The following CFAP69 variants were observed in gnomAD, a reference collection of about 807,000 sequenced individuals.
The protein encoded by CFAP69 is cilia and flagella associated protein 69, also known as cilia- and flagella-associated protein 69.
Under a neutral mutation model 123.0 loss-of-function variants are expected in CFAP69, and 92 were observed. The ratio of observed to expected loss-of-function variants is 0.75; its 90% CI spans 0.63 to 0.89. The LOEUF (loss-of-function observed/expected upper bound fraction) is 0.89, where lower values mean the gene tolerates loss of function less well. CFAP69 is among the 40% of genes least tolerant of loss of function. CFAP69 has a pLI of 0.00. For missense variants in CFAP69, 1,067 were observed against 1,096.9 expected, an observed-to-expected ratio of 0.97 and a Z score of 0.39; for synonymous variants, 380 against 364.3, an observed-to-expected ratio of 1.04 and a Z score of -0.49.
At chr7:90,270,837 T>G (rs375626125) in intron 6 of CFAP69, among the ~76,000 whole-genome samples, 25 of 152,162 alleles carry the variant, frequency 1.6e-4, no homozygotes, top group Non-Finnish European at 2.6e-4. Flanking sequence ...AAAGGAGAGA[T>G]AGTATTTCTC....
chr7:90,300,164 G>GTTTTTTT, intron 17 of CFAP69, 105 bp downstream of exon 17: 1 of 1,072,300 alleles, frequency 9.3e-7, no homozygotes, highest in Non-Finnish European at 1.2e-6. Flanking sequence ...TTTGTCTAAA[G>GTTTTTTT]TTTTTTTTTT....
At chr7:90,300,102 T>A (rs1479934493) in intron 17 of CFAP69, 43 bp downstream of exon 17, 1 of 1,407,894 alleles carries the variant, frequency 7.1e-7, no homozygotes, top group African/African-American at 1.5e-5. Context: ...TTAATGTATA[T>A]ATTTTAAAAG....
At chr7:90,278,537 T>C (rs1423651015) in intron 11 of CFAP69, among the ~76,000 whole-genome samples, 1 of 152,106 alleles carries the variant, frequency 6.6e-6, no homozygotes, top group African/African-American at 2.4e-5. Context: ...TCCAATACAG[T>C]ATTATATAAA....
In CFAP69 at chr7:90,284,776, C is replaced by A. The variant is rs114172437; in HGVS notation, c.1538-1505C>A. 2.5e-3 allele frequency among the ~76,000 whole-genome samples: 373 copies of A among 152,210 alleles called. 1 individual carries two copies. Among genetic ancestry groups the A allele is most frequent in the African/African-American group, 8.0e-3 (333 of 41,540 alleles). The stretch of plus-strand genomic sequence containing the variant: ...AATATGCATGGTGATGTGTTCAGAA[C>A]TAGTTTAAGAGGAGCCAAAGTTTTA... On this transcript the variant is annotated intron_variant, in intron 13 of 22. Coordinates refer to ENST00000389297, the MANE Select transcript of CFAP69 (RefSeq NM_001039706.3).
chr7:90,271,155 G>A (rs781372495), intron 6 of CFAP69, among the ~76,000 whole-genome samples: 7 of 151,884 alleles, frequency 4.6e-5, no homozygotes, highest in South Asian at 4.2e-4. Context: ...AAAATTCATC[G>A]TCCTATTTTA....
rs766034615 is a variant in CFAP69, at chr7:90,288,250, A to G, written c.1673A>G (p.Glu558Gly). The change falls in exon 15 of 23, where the codon GAA becomes GGA. Residue 558 changes from glutamate to glycine, a missense_variant. Glu to Gly is a moderately conservative substitution (Grantham distance 98). Coordinates refer to ENST00000389297, the MANE Select transcript of CFAP69 (RefSeq NM_001039706.3). The stretch of plus-strand genomic sequence containing the variant: ...CTTAAACAGGAAATTTTCGGAACTG[A>G]AGGAGTAGATATCGTTCTTCATGTG... The part of the protein sequence containing the change: ...HIQRKEIFGT[E>G]GVDIVLHVMK... The G allele has an allele frequency of 6.2e-7, 1 of 1,608,304 alleles. No homozygotes were observed.
chr7:90,281,978 A>G (rs1190870157), intron 12 of CFAP69, among the ~76,000 whole-genome samples: 1 of 152,194 alleles, frequency 6.6e-6, no homozygotes, highest in Non-Finnish European at 1.5e-5. Context: ...TTTTCAAAAA[A>G]CATTGAAAAA....
intron 1 of CFAP69, 54 bp from the exon 2 acceptor site, chr7:90,255,369 T>C: frequency 7.2e-7 from 1 of 1,383,040 alleles, no homozygotes; most frequent in Non-Finnish European, 1.0e-6. Flanking sequence ...GTGTTAGATA[T>C]GACTTATTGA....
chr7:90,270,572 C>T (rs1799802833), intron 6 of CFAP69, among the ~76,000 whole-genome samples: 1 of 151,992 alleles, frequency 6.6e-6, no homozygotes, highest in South Asian at 2.1e-4. Context: ...TAGAGCATAT[C>T]ATAGAAAGCT....
Position 90,271,621 on chromosome 7 carries a change from C to T in CFAP69, c.628C>T (p.Gln210Ter). ...CCAGTCAATGACCTTGCTTGAAAAT[C>T]AACTTGTTGAGAAACTTTGGGTACT... The part of the protein sequence containing the change: ...MVQSMTLLEN[Q>*]LVEKLWVLKV... The change falls in exon 7 of 23, where the codon CAA becomes TAA. Residue 210 changes from glutamine (Q) to a stop codon, truncating the protein, a stop_gained. Transcript: ENST00000389297. LOFTEE classifies it high-confidence loss of function. 6.2e-7 allele frequency: 1 copy of T among 1,613,646 alleles called. No individual in the cohort carries two copies. Among genetic ancestry groups the T allele is most frequent in the Non-Finnish European group, 8.5e-7 (1 of 1,179,672 alleles).
At chr7:90,280,660 T>G (rs1349465134) in intron 12 of CFAP69, among the ~76,000 whole-genome samples, 1 of 152,230 alleles carries the variant, frequency 6.6e-6, no homozygotes, top group Non-Finnish European at 1.5e-5. Context: ...CCAGAAGTAA[T>G]GACTCCAGTG....
In CFAP69 at chr7:90,300,119, A is replaced by G. The variant is rs908474646; in HGVS notation, c.2050+60A>G. On this transcript the variant is annotated intron_variant, in intron 17 of 22. Coordinates refer to ENST00000389297, the MANE Select transcript of CFAP69 (RefSeq NM_001039706.3). ...AATGTATATATTTTAAAAGATCTTTAAATGGTATTAAGAAAGCATCAGGCC... is the reference window on the plus strand; with the variant it reads ...AATGTATATATTTTAAAAGATCTTTGAATGGTATTAAGAAAGCATCAGGCC... 3.7e-6 allele frequency: 5 copies of G among 1,359,318 alleles called. No homozygotes were observed. In the African/African-American group the frequency reaches 4.6e-5, roughly 12 times the overall value. 84.2% of individuals were successfully genotyped at this position (1,359,318 alleles called of 1,614,324 possible). A position where few individuals can be genotyped will look rare whatever the true frequency, so the allele number is the denominator to read the frequency against.
the CFAP69 span, among the ~76,000 whole-genome samples, chr7:90,321,571 T>C: frequency 6.6e-6 from 1 of 152,222 alleles, no homozygotes; most frequent in Non-Finnish European, 1.5e-5. Context: ...AGAAGATCCA[T>C]CTCGGCATTA....
At chr7:90,296,795 G>A (rs1383068989) in intron 15 of CFAP69, among the ~76,000 whole-genome samples, 1 of 152,174 alleles carries the variant, frequency 6.6e-6, no homozygotes, top group African/African-American at 2.4e-5. Context: ...CAGGTCAGAG[G>A]TGGATTCAGA....
At position 90,299,884 on chromosome 7, in the gene CFAP69, C is replaced by A. The variant is rs1792528596; in HGVS notation, c.1875C>A (p.Phe625Leu). The change falls in exon 17 of 23, where the codon TTC (phenylalanine) becomes TTA (leucine). Residue 625 changes from phenylalanine (F) to leucine (L), a missense_variant. By Grantham distance (22) the Phe-to-Leu change is conservative (BLOSUM62 0). Transcript: ENST00000389297. ...LDLLALNQKK[F>L]CNLILGIMVE... ...TGCTAAAGTTGAACCAAAAAAAATT[C>A]TGTAATCTAATACTTGGAATAATGG... is the stretch of plus-strand genomic sequence containing the variant. 6.3e-7 allele frequency: 1 copy of A among 1,599,656 alleles called. No homozygotes were observed. The highest frequency in any genetic ancestry group is 1.4e-5 in the African/African-American group (1 of 74,024).
At chr7:90,263,503 G>T (rs948075208) in intron 4 of CFAP69, among the ~76,000 whole-genome samples, 3 of 152,120 alleles carry the variant, frequency 2.0e-5, no homozygotes, top group African/African-American at 7.2e-5. Context: ...CTTATAGATT[G>T]TGTCCTTTGC....
chr7:90,282,837 T>C (rs1789689653), intron 12 of CFAP69, 55 bp from the exon 13 acceptor site: 6 of 1,319,962 alleles, frequency 4.5e-6, no homozygotes, highest in Admixed American at 2.8e-5. Context: ...AGATATCTGA[T>C]ATATTTGCTT....
the CFAP69 span, chr7:90,317,517 T>C: frequency 6.6e-6 from 1 of 152,004 alleles, no homozygotes; most frequent in Admixed American, 6.5e-5. Context: ...TACAATCTTA[T>C]ATTATCTGCT....
intron 18 of CFAP69, chr7:90,304,418 T>A (rs1793244567): frequency 6.7e-6 from 8 of 1,192,336 alleles, no homozygotes; most frequent in African/African-American, 3.2e-5. Flanking sequence ...TTTTTTTTTT[T>A]AAGTCTTTGC....
Sources: allele counts gnomAD v4.1 joint callset (sites outside exome capture counted in the v4.1 genomes callset), GRCh38; gene constraint gnomAD v4.1.1; transcripts MANE v1.5; gene names NCBI Gene and HGNC (gene_info 2026-07-23, HGNC 2026-07-21).